Variants in CPNE4 observed in about 807,000 individuals in gnomAD.
The protein encoded by CPNE4 is copine 4, also known as copine-4.
A neutral mutation model predicts 67.9 loss-of-function variants in CPNE4; 25 were observed. That is an observed-to-expected ratio of 0.37 (90% confidence interval 0.27 to 0.51). The LOEUF is 0.51. CPNE4 is among the 20% of genes least tolerant of loss of function. The pLI is 0.93. For synonymous variants in CPNE4, 242 were observed against 244.9 expected, an observed-to-expected ratio of 0.99 and a Z score of 0.11; for missense variants, 464 against 690.8, an observed-to-expected ratio of 0.67 and a Z score of 3.68.
chr3:131,776,076 C>G (rs1475810131), intron 2 of CPNE4, among the ~76,000 whole-genome samples: 1 of 152,106 alleles, frequency 6.6e-6, no homozygotes, highest in Non-Finnish European at 1.5e-5. Context: ...TATCCTTTTT[C>G]ACATTTACCT....
At chr3:131,548,328 T>G (rs1006429354) in intron 14 of CPNE4, among the ~76,000 whole-genome samples, 15 of 152,170 alleles carry the variant, frequency 9.9e-5, no homozygotes, top group Non-Finnish European at 4.4e-5. Context: ...CAGGCATTGT[T>G]TTGTGTACTA....
intron 1 of CPNE4, among the ~76,000 whole-genome samples, chr3:131,941,993 G>A (rs1405819371): frequency 2.0e-5 from 3 of 151,952 alleles, no homozygotes; most frequent in Non-Finnish European, 4.4e-5. Flanking sequence ...TTATGACATA[G>A]AAATATTTGG....
Position 131,535,152 on chromosome 3 carries a change from G to A in CPNE4, c.*43C>T. ...TAGAAGTATTAAATATGAAATATTA[G>A]CAGGAATAGTATTTCAGAACTCTGT... On this transcript the variant is annotated 3_prime_UTR_variant, in exon 16 of 16. Transcript: ENST00000429747. 1 of 1,532,756 alleles carries A rather than the reference G, an allele frequency of 6.5e-7. No individual in the cohort carries two copies. The highest frequency in any genetic ancestry group is 8.8e-7 in the Non-Finnish European group (1 of 1,133,548). The allele number at this position is 1,532,756 out of a possible 1,614,324, so 94.9% of individuals were successfully genotyped here.
chr3:131,617,044 C>A (rs1940194700), intron 7 of CPNE4, among the ~76,000 whole-genome samples: 2 of 152,126 alleles, frequency 1.3e-5, no homozygotes. Context: ...ATTTATAGGA[C>A]CTGAGCTCTG....
intron 1 of CPNE4, among the ~76,000 whole-genome samples, chr3:131,948,640 A>G (rs1157188285): frequency 6.6e-6 from 1 of 152,144 alleles, no homozygotes. Context: ...TCCTAATCTT[A>G]TGGGGAAAGC....
intron 2 of CPNE4, among the ~76,000 whole-genome samples, chr3:131,809,624 C>A (rs1412606579): frequency 6.6e-6 from 1 of 152,064 alleles, no homozygotes; most frequent in Non-Finnish European, 1.5e-5. Context: ...AATTGAAATA[C>A]ACCTGGGTTA....
At chr3:131,892,381 C>A (rs530506224) in intron 2 of CPNE4, among the ~76,000 whole-genome samples, 4 of 152,034 alleles carry the variant, frequency 2.6e-5, no homozygotes, top group Non-Finnish European at 4.4e-5. Flanking sequence ...TCCAGACAAG[C>A]AAATGTTGAG....
intron 15 of CPNE4, among the ~76,000 whole-genome samples, chr3:131,538,317 C>T (rs190466000): frequency 1.9e-4 from 29 of 152,282 alleles, no homozygotes; most frequent in Non-Finnish European, 3.1e-4. Context: ...TGAATTTAAA[C>T]GTAAGTAGCT....
intron 1 of CPNE4, among the ~76,000 whole-genome samples, chr3:132,017,066 T>C (rs2073903479): frequency 6.6e-6 from 1 of 152,132 alleles, no homozygotes; most frequent in Admixed American, 6.5e-5. Context: ...GGAAAGGTAA[T>C]GCAGGACAAA....
chr3:132,010,930 G>C (rs1467047986), intron 1 of CPNE4, among the ~76,000 whole-genome samples: 3 of 152,126 alleles, frequency 2.0e-5, no homozygotes, highest in Non-Finnish European at 2.9e-5. Context: ...ACCCCAGTAG[G>C]GGAGCACCAC....
intron 3 of CPNE4, among the ~76,000 whole-genome samples, chr3:131,712,242 T>A (rs1361778750): frequency 1.3e-5 from 2 of 152,244 alleles, no homozygotes; most frequent in African/African-American, 2.4e-5. Flanking sequence ...TAATCATAGA[T>A]GTGATATAGT....
At chr3:131,952,248 G>A (rs1225008) in intron 1 of CPNE4, among the ~76,000 whole-genome samples, 12,432 of 150,534 alleles carry the variant, frequency 0.083, 606 homozygotes, top group Admixed American at 0.15. Context: ...GCCTCTGCCC[G>A]GCCGCGAACC....
intron 2 of CPNE4, among the ~76,000 whole-genome samples, chr3:131,773,209 T>C (rs2083210202): frequency 6.6e-6 from 1 of 152,152 alleles, no homozygotes; most frequent in Non-Finnish European, 1.5e-5. Context: ...TTTTCATATT[T>C]GTAGAGAGGA....
At chr3:131,638,175 A>G (rs140149758) in intron 7 of CPNE4, among the ~76,000 whole-genome samples, 162 of 152,278 alleles carry the variant, frequency 1.1e-3, no homozygotes, top group Non-Finnish European at 2.0e-3. Context: ...GATGAATAGA[A>G]TAGTACCTCA....
At chr3:131,633,439 G>T (rs1198206433) in intron 7 of CPNE4, among the ~76,000 whole-genome samples, 2 of 152,094 alleles carry the variant, frequency 1.3e-5, no homozygotes, top group African/African-American at 2.4e-5. Context: ...TAAAGAGCCG[G>T]TCTCAAAAGT....
intron 7 of CPNE4, among the ~76,000 whole-genome samples, chr3:131,649,860 C>CTGTG (rs1207450772): frequency 6.6e-6 from 1 of 152,172 alleles, no homozygotes; most frequent in Non-Finnish European, 1.5e-5. Context: ...CTCACACTTT[C>CTGTG]TGTGTGTCAG....
rs1464375049 is a variant in CPNE4 at position 131,723,646 on chromosome 3, C to T, written c.181-21G>A. ...TCAACCTGCAAGGAGAAAGAGAAAA[C>T]CTATCAGAGATAAGGATTATTTTTA... On this transcript the variant is annotated intron_variant, in intron 2 of 15. Coordinates refer to ENST00000429747, the MANE Select transcript of CPNE4 (RefSeq NM_130808.3). 7 of 1,596,330 alleles carry T rather than the reference C, an allele frequency of 4.4e-6. No homozygotes were observed. The South Asian group carries it at 6.7e-5, about 15-fold the overall frequency.
At chr3:131,812,409 G>C (rs1032488879) in intron 2 of CPNE4, among the ~76,000 whole-genome samples, 2 of 152,066 alleles carry the variant, frequency 1.3e-5, no homozygotes, top group Non-Finnish European at 2.9e-5. Context: ...TGCCAAGAAA[G>C]GTGAATATCC....
intron 3 of CPNE4, among the ~76,000 whole-genome samples, chr3:131,717,947 C>T (rs535107816): frequency 4.3e-4 from 58 of 133,824 alleles, no homozygotes; most frequent in African/African-American, 1.4e-3. Flanking sequence ...TCTTTCTTTT[C>T]TTTCTTTCTC....
Sources: allele counts gnomAD v4.1 joint callset (sites outside exome capture counted in the v4.1 genomes callset), GRCh38; gene constraint gnomAD v4.1.1; transcripts MANE v1.5; gene names NCBI Gene and HGNC (gene_info 2026-07-23, HGNC 2026-07-21).